TRAP1: variants seen among roughly 807,000 people sequenced by gnomAD.
TRAP1 encodes TNF receptor associated protein 1, also known as heat shock protein 75 kDa, mitochondrial.
TRAP1 carries 102 observed loss-of-function variants against 89.1 expected under a neutral mutation model. The observed-to-expected ratio is 1.15, with a 90% CI of 0.98 to 1.35. The LOEUF is 1.35. Ranked by LOEUF, TRAP1 falls within the 40% of genes most tolerant of loss-of-function variation. TRAP1 has a pLI of 0.00. For missense variants in TRAP1, 1,256 were observed against 945.3 expected, an observed-to-expected ratio of 1.33 and a Z score of -4.31; for synonymous variants, 508 against 388.0, an observed-to-expected ratio of 1.31 and a Z score of -3.64.
chr16:3,674,322 C>T lies in TRAP1; in HGVS notation c.1044+17G>A, dbSNP rs762796639. 1.9e-6 allele frequency: 3 copies of T among 1,613,160 alleles called. No homozygotes were observed. Among genetic ancestry groups the T allele is most frequent in the South Asian group, 2.2e-5 (2 of 91,044 alleles). On this transcript the variant is annotated intron_variant, in intron 9 of 17. Coordinates refer to ENST00000246957, the MANE Select transcript of TRAP1 (RefSeq NM_016292.3). Reference sequence around the variant, plus strand: ...CAGAGTCACCCTGAGGGCCGTGGGACTGCCACAGTGCCTCACCATGTCGGG... The same window carrying T: ...CAGAGTCACCCTGAGGGCCGTGGGATTGCCACAGTGCCTCACCATGTCGGG...
At chr16:3,688,400 G>A (rs1036820781) in intron 3 of TRAP1, among the ~76,000 whole-genome samples, 2 of 152,188 alleles carry the variant, frequency 1.3e-5, no homozygotes, top group African/African-American at 4.8e-5. Flanking sequence ...AAGACCTGCA[G>A]GTAGTCCCAC....
intron 1 of TRAP1, among the ~76,000 whole-genome samples, chr16:3,708,675 G>A (rs986315116): frequency 2.0e-5 from 3 of 151,852 alleles, no homozygotes; most frequent in Admixed American, 1.3e-4. Flanking sequence ...AATGAGCCGG[G>A]CATGGTGGCG....
intron 1 of TRAP1, among the ~76,000 whole-genome samples, chr16:3,692,623 A>G (rs2051230864): frequency 7.3e-6 from 1 of 137,370 alleles, no homozygotes; most frequent in South Asian, 2.4e-4. Flanking sequence ...TTTGAGATGA[A>G]GTCTCACTCT....
chr16:3,665,934 G>T, intron 12 of TRAP1, 37 bp downstream of exon 12: 1 of 1,596,054 alleles, frequency 6.3e-7, no homozygotes, highest in Non-Finnish European at 8.5e-7. Context: ...CAGGGACAAG[G>T]TGGCCCAGAA....
At chr16:3,713,199 A>G (rs1369605834) in intron 1 of TRAP1, among the ~76,000 whole-genome samples, 1 of 152,154 alleles carries the variant, frequency 6.6e-6, no homozygotes, top group Admixed American at 6.6e-5. Flanking sequence ...ATTCACCTGA[A>G]TTCTCCTGAA....
rs773811826 is a variant in TRAP1 at position 3,677,623 on chromosome 16, G to T, written c.579C>A (p.Ala193=). ...CAAACTGGCCGATGATCTTGCTGCTGGCCTCAGCCTGGTTCTGCAGAGCAT... is the reference window on the plus strand; with the variant it reads ...CAAACTGGCCGATGATCTTGCTGCTTGCCTCAGCCTGGTTCTGCAGAGCAT... ...FLDALQNQAE[A]SSKIIGQFGV... is the part of the protein sequence containing the mutation. Residue 193 remains alanine (A), a synonymous_variant, in exon 6 of 18, where the codon GCC becomes GCA. Transcript: ENST00000246957. 6.2e-7 allele frequency: 1 copy of T among 1,614,062 alleles called. No individual in the cohort carries two copies. Among genetic ancestry groups the T allele is most frequent in the East Asian group, 2.2e-5 (1 of 44,864 alleles).
At chr16:3,701,381 G>A (rs2051362365) in intron 1 of TRAP1, among the ~76,000 whole-genome samples, 1 of 151,886 alleles carries the variant, frequency 6.6e-6, no homozygotes, top group South Asian at 2.1e-4. Flanking sequence ...ATAACTGACA[G>A]AATCAAACCA....
chr16:3,661,060 T>C (rs1466684910), intron 16 of TRAP1: 3 of 152,210 alleles, frequency 2.0e-5, no homozygotes, highest in East Asian at 1.9e-4. Flanking sequence ...ACATTCAAAA[T>C]TTCCCCCAAA....
At chr16:3,687,491 C>A (rs1212066134) in intron 3 of TRAP1, 1 of 152,408 alleles carries the variant, frequency 6.6e-6, no homozygotes, top group South Asian at 2.1e-4. Context: ...GACCACCAAA[C>A]ACCAGGTCTA....
intron 1 of TRAP1, 62 bp downstream of exon 1, chr16:3,717,359 G>C (rs913411623): frequency 4.6e-6 from 3 of 656,604 alleles, no homozygotes; most frequent in Non-Finnish European, 6.4e-6. Context: ...GGAGCACAGG[G>C]ACGTCCCTGC....
At chr16:3,659,777 A>ATAGT (rs1284636392) in intron 16 of TRAP1, 2 of 150,048 alleles carry the variant, frequency 1.3e-5, no homozygotes, top group Non-Finnish European at 3.0e-5. Context: ...AGATAGATAG[A>ATAGT]TAGACTCTCA....
Position 3,671,669 on chromosome 16 carries a change from C to T in TRAP1, c.1235+53G>A. The T allele has an allele frequency of 2.5e-6, 4 of 1,585,416 alleles. No individual in the cohort carries two copies. In the South Asian group the frequency reaches 3.4e-5, roughly 13 times the overall value. Reference sequence around the variant, plus strand: ...CTAGGGCCCTCTGGGGGCAAAGGAGCAGGTAGGGGCCTTGTCCCCAGCAGG... The same window carrying T: ...CTAGGGCCCTCTGGGGGCAAAGGAGTAGGTAGGGGCCTTGTCCCCAGCAGG... On this transcript the variant is annotated intron_variant, in intron 11 of 17. Transcript: ENST00000246957.
At chr16:3,692,772 T>C (rs2051233754) in intron 1 of TRAP1, among the ~76,000 whole-genome samples, 1 of 151,072 alleles carries the variant, frequency 6.6e-6, no homozygotes, top group Non-Finnish European at 1.5e-5. Context: ...CTAATTTTTG[T>C]AGTTTTAGTA....
At chr16:3,672,892 G>A (rs1346012198) in intron 9 of TRAP1, 72 bp from the exon 10 acceptor site, 13 of 1,536,354 alleles carry the variant, frequency 8.5e-6, no homozygotes, top group African/African-American at 1.4e-5. Flanking sequence ...GGAGGTGGGG[G>A]CGGACACGAT....
chr16:3,689,057 C>T lies in TRAP1; in HGVS notation c.328G>A (p.Glu110Lys). The T allele has an allele frequency of 1.2e-6, 2 of 1,611,346 alleles. No individual in the cohort carries two copies. Among genetic ancestry groups the T allele is most frequent in the South Asian group, 1.1e-5 (1 of 90,362 alleles). Residue 110 changes from glutamate to lysine, a missense_variant and splice_region_variant, in exon 3 of 18, where the codon GAG (glutamate) becomes AAG (lysine). Physicochemically the swap from Glu to Lys is moderately conservative, Grantham distance 56. Coordinates refer to ENST00000246957, the MANE Select transcript of TRAP1 (RefSeq NM_016292.3). ...IVARSLYSEK[E>K]VFIRELISNA... ...GGCATGGTTAGCAGGGAACGCACCT[C>T]TTTTTCTGAGTACAGGGACCGGGCA...
intron 5 of TRAP1, among the ~76,000 whole-genome samples, chr16:3,678,833 G>C (rs2151259483): frequency 6.6e-6 from 1 of 152,300 alleles, no homozygotes; most frequent in Non-Finnish European, 1.5e-5. Context: ...GCGACCGCTG[G>C]AGGTTCCCAG....
intron 1 of TRAP1, among the ~76,000 whole-genome samples, chr16:3,712,285 CAAAAAAAAAAAAAAAAA>C (rs764259574): frequency 1.9e-3 from 62 of 32,090 alleles, no homozygotes; most frequent in South Asian, 0.014. Context: ...GAATCTGTCT[CAAAAAAAAAAAAAAAAA>C]AAAAAAAAAA....
At chr16:3,659,546 A>G (rs2042943291) in intron 16 of TRAP1, 1 of 152,210 alleles carries the variant, frequency 6.6e-6, no homozygotes, top group Non-Finnish European at 1.5e-5. Context: ...TCTGCATAGG[A>G]AAAAGCATCA....
At chr16:3,715,393 G>A (rs992066261) in intron 1 of TRAP1, among the ~76,000 whole-genome samples, 1 of 151,924 alleles carries the variant, frequency 6.6e-6, no homozygotes. Context: ...AGCCAAGATC[G>A]CGCCACTGCA....
Sources: gnomAD v4.1 joint callset for allele counts (sites outside exome capture counted in the v4.1 genomes callset) on GRCh38, gnomAD v4.1.1 for gene constraint, MANE v1.5 for transcripts, NCBI Gene and HGNC (gene_info 2026-07-23, HGNC 2026-07-21) for gene names.